The following FAM135A variants were observed in gnomAD, a reference collection of about 807,000 sequenced individuals.
FAM135A encodes the protein family with sequence similarity 135 member A.
Under a neutral mutation model 146.8 loss-of-function variants are expected in FAM135A, and 79 were observed. That is an observed-to-expected ratio of 0.54 (90% CI 0.45 to 0.65). The LOEUF (loss-of-function observed/expected upper bound fraction) is 0.65. Among genes scored for constraint, FAM135A ranks in the 30% least tolerant of loss-of-function variants. FAM135A has a pLI of 0.00. For missense variants in FAM135A, 1,623 were observed against 1,758.2 expected (o/e 0.92, Z 1.38); for synonymous variants, 562 against 603.6 (o/e 0.93, Z 1.01).
chr6:70,551,663 T>C (rs1799855941), intron 20 of FAM135A, among the ~76,000 whole-genome samples: 2 of 152,086 alleles, frequency 1.3e-5, no homozygotes, highest in Admixed American at 1.3e-4. Flanking sequence ...GCTTGAGCAT[T>C]TAGATGCCAT....
At chr6:70,510,885 G>A (rs540406693) in intron 12 of FAM135A, among the ~76,000 whole-genome samples, 1 of 152,116 alleles carries the variant, frequency 6.6e-6, no homozygotes, top group Admixed American at 6.5e-5. Flanking sequence ...ATTCCCACCA[G>A]CAATGTACAA....
At chr6:70,518,249 G>T (rs1275006409) in intron 12 of FAM135A, among the ~76,000 whole-genome samples, 1 of 152,188 alleles carries the variant, frequency 6.6e-6, no homozygotes, top group Non-Finnish European at 1.5e-5. Flanking sequence ...AGTGCCTTAA[G>T]TCAAAGCCTA....
rs574699579 is a variant in FAM135A at position 70,560,064 on chromosome 6, T to C, written c.*143T>C. ...GAAGATAATTTATATCATCCATGTT[T>C]AGTGCTTTTTAAACATCAACTTTAC... is the stretch of plus-strand genomic sequence containing the variant. On this transcript the variant is annotated 3_prime_UTR_variant, in exon 22 of 22. Coordinates refer to ENST00000418814, the MANE Select transcript of FAM135A (RefSeq NM_001162529.3). 2 of 650,168 alleles carry C rather than the reference T, an allele frequency of 3.1e-6. No individual in the cohort carries two copies. Among genetic ancestry groups the C allele is most frequent in the African/African-American group, 1.9e-5 (1 of 53,900 alleles). 40.3% of individuals were successfully genotyped at this position (650,168 alleles called of 1,614,324 possible).
chr6:70,521,300 C>A (rs751526669), intron 12 of FAM135A, among the ~76,000 whole-genome samples: 2 of 151,698 alleles, frequency 1.3e-5, no homozygotes, highest in Non-Finnish European at 2.9e-5. Flanking sequence ...CTGCAGGAAT[C>A]CAGATAACTT....
chr6:70,484,944 C>A (rs1784351247), intron 10 of FAM135A, among the ~76,000 whole-genome samples: 1 of 152,062 alleles, frequency 6.6e-6, no homozygotes, highest in Admixed American at 6.6e-5. Flanking sequence ...TTACTTTGGG[C>A]TTATAGATGT....
intron 12 of FAM135A, among the ~76,000 whole-genome samples, chr6:70,521,116 A>G (rs1055373464): frequency 6.6e-6 from 1 of 152,114 alleles, no homozygotes; most frequent in African/African-American, 2.4e-5. Context: ...TTTCTTCATC[A>G]TTCAATTTGA....
At chr6:70,511,391 C>A (rs916020905) in intron 12 of FAM135A, among the ~76,000 whole-genome samples, 1 of 151,664 alleles carries the variant, frequency 6.6e-6, no homozygotes, top group Non-Finnish European at 1.5e-5. Context: ...ATAAGGTAAC[C>A]CTTGAGAGAA....
chr6:70,449,854 G>A (rs751239477), intron 4 of FAM135A, among the ~76,000 whole-genome samples: 11 of 152,018 alleles, frequency 7.2e-5, no homozygotes, highest in Non-Finnish European at 1.5e-4. Flanking sequence ...TTCCATAATG[G>A]CTGTGCTAAT....
intron 2 of FAM135A, among the ~76,000 whole-genome samples, chr6:70,424,036 G>A (rs1242915707): frequency 1.3e-5 from 2 of 152,238 alleles, no homozygotes; most frequent in African/African-American, 4.8e-5. Context: ...CTTTTCATGA[G>A]AATGATGAAG....
chr6:70,456,905 A>C (rs547956247), intron 5 of FAM135A, among the ~76,000 whole-genome samples: 3 of 152,178 alleles, frequency 2.0e-5, no homozygotes, highest in Non-Finnish European at 2.9e-5. Context: ...ATTACAGTTC[A>C]GTCAGGAGCA....
intron 12 of FAM135A, chr6:70,504,513 A>G (rs763105676): frequency 6.6e-6 from 1 of 152,182 alleles, no homozygotes; most frequent in African/African-American, 2.4e-5. Flanking sequence ...TGGACATAAC[A>G]TATGTGGATC....
chr6:70,427,967 A>G (rs1770589277), intron 3 of FAM135A, among the ~76,000 whole-genome samples: 1 of 152,198 alleles, frequency 6.6e-6, no homozygotes, highest in Non-Finnish European at 1.5e-5. Context: ...AATATTAGAT[A>G]TCTTCACTAT....
rs767463114 is a variant in FAM135A at position 70,533,799 on chromosome 6, T to G, written c.3910T>G (p.Leu1304Val). The G allele has an allele frequency of 6.3e-7, 1 of 1,588,116 alleles. No individual in the cohort carries two copies. The highest frequency in any genetic ancestry group is 8.5e-7 in the Non-Finnish European group (1 of 1,170,886). ...ADFDSMTDRL[L>V]DEIIQYIQIY... ...TTTTGATAGCATGACTGATCGTCTT[T>G]TGGATGAGATAATACAGTATATTCA... Residue 1304 changes from leucine (L) to valine (V), a missense_variant, in exon 18 of 22, where the codon TTG becomes GTG. This residue lies in a region of FAM135A where 1,061 missense variants were observed against 1,113.8 expected (regional missense o/e 0.95). Coordinates refer to ENST00000418814, the MANE Select transcript of FAM135A (RefSeq NM_001162529.3).
intron 12 of FAM135A, chr6:70,513,433 T>A (rs983127858): frequency 1.4e-4 from 21 of 150,610 alleles, no homozygotes; most frequent in Non-Finnish European, 2.7e-4. Flanking sequence ...CAGTTTACAT[T>A]AAGTAAAATC....
At chr6:70,489,029 G>A (rs1233982230) in intron 10 of FAM135A, among the ~76,000 whole-genome samples, 2 of 152,138 alleles carry the variant, frequency 1.3e-5, no homozygotes, top group Non-Finnish European at 2.9e-5. Context: ...GCTCTCAGTA[G>A]CTATAATGCA....
rs143110062 is a variant in FAM135A at position 70,519,885 on chromosome 6, C to T, written c.1030-2628C>T. Among the ~76,000 whole-genome samples, 667 of 150,388 alleles carry T rather than the reference C, an allele frequency of 4.4e-3. 4 individuals carry two copies. The highest frequency in any genetic ancestry group is 0.016 in the African/African-American group (631 of 40,316). ...ATTTCCAAGGCATGCCTATACTAAA[C>T]ATACTTTAGTATAGGTATGATATGA... On this transcript the variant is annotated intron_variant, in intron 12 of 21. Transcript: ENST00000418814.
intron 3 of FAM135A, among the ~76,000 whole-genome samples, chr6:70,427,572 T>G (rs1314681012): frequency 1.3e-5 from 2 of 152,104 alleles, no homozygotes; most frequent in African/African-American, 4.8e-5. Flanking sequence ...AAAACTACAT[T>G]ATTGACATAT....
intron 5 of FAM135A, 57 bp downstream of exon 5, chr6:70,452,628 A>C (rs1343105418): frequency 7.6e-7 from 1 of 1,321,284 alleles, no homozygotes; most frequent in Admixed American, 2.6e-5. Context: ...AATAACTTTT[A>C]ATAAAGTTTT....
At chr6:70,559,336 G>C (rs1237075116) in intron 21 of FAM135A, among the ~76,000 whole-genome samples, 1 of 151,924 alleles carries the variant, frequency 6.6e-6, no homozygotes, top group African/African-American at 2.4e-5. Flanking sequence ...AGCTACTCAG[G>C]AGGCGGAGAC....
Sources: gnomAD v4.1 joint callset for allele counts (sites outside exome capture counted in the v4.1 genomes callset) on GRCh38, gnomAD v4.1.1 for gene constraint, gnomAD v4.1.1 regional missense constraint, MANE v1.5 for transcripts, NCBI Gene and HGNC (gene_info 2026-07-23, HGNC 2026-07-21) for gene names.